VAV3: variants seen among roughly 807,000 people sequenced by gnomAD.
VAV3 encodes vav guanine nucleotide exchange factor 3, also known as guanine nucleotide exchange factor VAV3.
Under a neutral mutation model 131.2 loss-of-function variants are expected in VAV3, and 94 were observed. That is an observed-to-expected ratio of 0.72 (90% CI 0.61 to 0.85). The LOEUF (loss-of-function observed/expected upper bound fraction) is 0.85. Among genes scored for constraint, VAV3 ranks in the 40% least tolerant of loss-of-function variants. VAV3 has a pLI of 0.00. For synonymous variants in VAV3, 349 were observed against 342.0 expected (o/e 1.02, Z -0.22); for missense variants, 939 against 1,002.7 (o/e 0.94, Z 0.86).
At chr1:107,585,585 C>A (rs1194995240) in intron 25 of VAV3, among the ~76,000 whole-genome samples, 1 of 152,130 alleles carries the variant, frequency 6.6e-6, no homozygotes, top group East Asian at 1.9e-4. Flanking sequence ...CCCAGTCAGA[C>A]ATACCCCTCC....
At chr1:107,958,846 C>A (rs1442598385) in intron 1 of VAV3, among the ~76,000 whole-genome samples, 3 of 151,984 alleles carry the variant, frequency 2.0e-5, no homozygotes, top group Non-Finnish European at 4.4e-5. Context: ...TCTCATTCTT[C>A]ATATATAGAT....
intron 18 of VAV3, among the ~76,000 whole-genome samples, chr1:107,686,916 TG>T (rs1211973523): frequency 6.6e-6 from 1 of 152,060 alleles, no homozygotes; most frequent in African/African-American, 2.4e-5. Flanking sequence ...CCATCTTCCT[TG>T]GAAAAAATAA....
intron 1 of VAV3, among the ~76,000 whole-genome samples, chr1:107,948,333 T>C (rs56073558): frequency 4.1e-5 from 6 of 147,352 alleles, no homozygotes; most frequent in Admixed American, 2.7e-4. Flanking sequence ...AAAAAAAAAA[T>C]TGTAAGAGAA....
intron 15 of VAV3, among the ~76,000 whole-genome samples, chr1:107,710,519 G>C (rs1026921055): frequency 1.3e-5 from 2 of 152,036 alleles, no homozygotes; most frequent in Admixed American, 6.6e-5. Context: ...ACTTATTTGA[G>C]AATGTCCTTT....
intron 15 of VAV3, among the ~76,000 whole-genome samples, chr1:107,708,508 C>T (rs960986761): frequency 6.6e-6 from 1 of 152,138 alleles, no homozygotes; most frequent in Non-Finnish European, 1.5e-5. Context: ...ATTTATAGGG[C>T]AAGGAATGTT....
At chr1:107,925,649 T>C (rs184087065) in intron 1 of VAV3, among the ~76,000 whole-genome samples, 2 of 152,144 alleles carry the variant, frequency 1.3e-5, no homozygotes, top group African/African-American at 4.8e-5. Flanking sequence ...GTACAAAAAG[T>C]AGAATGGTGG....
chr1:107,678,248 A>G (rs1328601153), intron 19 of VAV3, among the ~76,000 whole-genome samples: 2 of 152,190 alleles, frequency 1.3e-5, no homozygotes, highest in Non-Finnish European at 2.9e-5. Context: ...ATTTCTTTCA[A>G]TGTGAAATAT....
At chr1:107,759,842 T>C (rs1664317852) in intron 10 of VAV3, among the ~76,000 whole-genome samples, 1 of 152,184 alleles carries the variant, frequency 6.6e-6, no homozygotes, top group African/African-American at 2.4e-5. Flanking sequence ...AAATAAATTA[T>C]TACCTTATTT....
rs1661165578 is a variant in VAV3, at chr1:107,717,305, C to A, written c.1503-12244G>T. 1.3e-5 allele frequency among the ~76,000 whole-genome samples: 2 copies of A among 152,064 alleles called. 1 individual carries two copies. Among genetic ancestry groups the A allele is most frequent in the South Asian group, 4.2e-4 (2 of 4,814 alleles). ...CTTTTGAATTTGTTTGCTCTTGCTT[C>A]TCTAGTTCTTTTAACTGTGATGTTA... On this transcript the variant is annotated intron_variant, in intron 15 of 26. Transcript: ENST00000370056.
intron 1 of VAV3, among the ~76,000 whole-genome samples, chr1:107,889,535 G>GA (rs200046624): frequency 7.5e-4 from 110 of 147,126 alleles, no homozygotes; most frequent in Non-Finnish European, 9.5e-4. Context: ...TCTTCCTACA[G>GA]AAAAAAAAAA....
At chr1:107,623,839 G>A (rs768905184) in intron 20 of VAV3, among the ~76,000 whole-genome samples, 3 of 152,160 alleles carry the variant, frequency 2.0e-5, no homozygotes, top group Non-Finnish European at 4.4e-5. Context: ...TCATGAGGTT[G>A]TTCAAAAGAC....
chr1:107,747,573 A>G (rs1557816209), intron 15 of VAV3, among the ~76,000 whole-genome samples: 1 of 152,232 alleles, frequency 6.6e-6, no homozygotes, highest in African/African-American at 2.4e-5. Context: ...TAATAATAAT[A>G]GCAATAATAA....
At chr1:107,787,283 C>G (rs1347814715) in intron 2 of VAV3, among the ~76,000 whole-genome samples, 1 of 152,162 alleles carries the variant, frequency 6.6e-6, no homozygotes, top group African/African-American at 2.4e-5. Flanking sequence ...CTAGATACAC[C>G]AGACACACAC....
chr1:107,606,958 CT>C (rs11392912), intron 22 of VAV3, among the ~76,000 whole-genome samples: 8 of 144,476 alleles, frequency 5.5e-5, no homozygotes, highest in Admixed American at 6.9e-5. Context: ...GGAGTCTGAT[CT>C]TTTTTTTTTT....
Position 107,864,458 on chromosome 1 carries a change from CA to C in VAV3, c.321+10442del, listed in dbSNP as rs529112720. ...GCAACATGGCAAAACCCTGTCTCTA[CA>C]AAAAAATGCAAAAATTAGCTGGCTG... On this transcript the variant is annotated intron_variant, in intron 2 of 26. Transcript: ENST00000370056. 1.3e-4 allele frequency among the ~76,000 whole-genome samples: 19 copies of C among 151,952 alleles called. No individual in the cohort carries two copies. The South Asian group carries it at 4.0e-3, about 32-fold the overall frequency.
At chr1:107,626,678 T>A (rs1455616074) in intron 20 of VAV3, among the ~76,000 whole-genome samples, 2 of 152,140 alleles carry the variant, frequency 1.3e-5, no homozygotes, top group African/African-American at 4.8e-5. Flanking sequence ...CTTAAAAGGA[T>A]CATTGCCATG....
At chr1:107,758,848 T>A (rs1021994952) in intron 10 of VAV3, among the ~76,000 whole-genome samples, 1 of 152,182 alleles carries the variant, frequency 6.6e-6, no homozygotes, top group African/African-American at 2.4e-5. Context: ...CATACTAAAT[T>A]AATTGCAATT....
Position 107,765,061 on chromosome 1 carries a change from AAAAT to A in VAV3, c.921+11_921+14del, listed in dbSNP as rs1407457319. On this transcript the variant is annotated intron_variant, in intron 9 of 26. Coordinates refer to ENST00000370056, the MANE Select transcript of VAV3 (RefSeq NM_006113.5). ...TTATTTTGCTTTATGTCATAAACTA[AAAAT>A]AAATAGGCACCTCTAATTTCAGTTT... 6.3e-7 allele frequency: 1 copy of A among 1,591,296 alleles called. No individual in the cohort carries two copies. The highest frequency in any genetic ancestry group is 1.3e-5 in the African/African-American group (1 of 74,276).
chr1:107,850,772 G>C (rs1314516997), intron 2 of VAV3, among the ~76,000 whole-genome samples: 1 of 151,872 alleles, frequency 6.6e-6, no homozygotes, highest in Non-Finnish European at 1.5e-5. Context: ...TTAATTTGTA[G>C]AGCCAGACTG....
Sources: gnomAD v4.1 joint callset for allele counts (sites outside exome capture counted in the v4.1 genomes callset) on GRCh38, gnomAD v4.1.1 for gene constraint, MANE v1.5 for transcripts, NCBI Gene and HGNC (gene_info 2026-07-23, HGNC 2026-07-21) for gene names.